Variants in KDM4C observed in about 807,000 individuals in gnomAD.
KDM4C encodes the protein lysine demethylase 4C.
In KDM4C, 81 loss-of-function variants were observed where a neutral mutation model predicts 129.3. The observed-to-expected ratio is 0.63, with a 90% CI of 0.52 to 0.75. KDM4C has a LOEUF of 0.75. Among genes scored for constraint, KDM4C ranks in the 30% least tolerant of loss-of-function variants. The probability of loss-of-function intolerance (pLI) is 0.00; values close to 1 mark genes in which losing one functional copy is unlikely to be tolerated. For missense variants in KDM4C, 1,457 were observed against 1,304.0 expected (o/e 1.12, Z -1.81); for synonymous variants, 573 against 456.1 (o/e 1.26, Z -3.26).
chr9:7,150,734 A>T (rs370163612), intron 19 of KDM4C, among the ~76,000 whole-genome samples: 2 of 152,108 alleles, frequency 1.3e-5, no homozygotes, highest in Non-Finnish European at 1.5e-5. Flanking sequence ...CCCTGTTTCT[A>T]GTTATTGGCG....
At chr9:6,774,155 T>G (rs982089618) in intron 1 of KDM4C, among the ~76,000 whole-genome samples, 1 of 152,038 alleles carries the variant, frequency 6.6e-6, no homozygotes, top group African/African-American at 2.4e-5. Flanking sequence ...CCCAAAGTGC[T>G]GGGATTACAG....
At chr9:6,866,364 A>C (rs1192705737) in intron 5 of KDM4C, among the ~76,000 whole-genome samples, 1 of 152,036 alleles carries the variant, frequency 6.6e-6, no homozygotes, top group African/African-American at 2.4e-5. Flanking sequence ...CCTTAGCTCT[A>C]GTAAAGGATC....
chr9:7,001,464 A>G (rs1820704639), intron 12 of KDM4C, among the ~76,000 whole-genome samples: 1 of 152,232 alleles, frequency 6.6e-6, no homozygotes, highest in Non-Finnish European at 1.5e-5. Context: ...TGAATCTTTC[A>G]TGAGGTAGAG....
intron 1 of KDM4C, among the ~76,000 whole-genome samples, chr9:6,759,600 A>C (rs1382248592): frequency 6.6e-6 from 1 of 152,178 alleles, no homozygotes; most frequent in African/African-American, 2.4e-5. Flanking sequence ...AATACAGTAC[A>C]ATTTAAACCG....
intron 1 of KDM4C, among the ~76,000 whole-genome samples, chr9:6,746,763 C>T (rs982124627): frequency 2.0e-5 from 3 of 149,744 alleles, no homozygotes; most frequent in African/African-American, 4.9e-5. Context: ...AATCCCAGCA[C>T]TTTGGGAGGC....
chr9:7,055,608 A>G (rs1446802262), intron 17 of KDM4C, among the ~76,000 whole-genome samples: 1 of 152,246 alleles, frequency 6.6e-6, no homozygotes, highest in Non-Finnish European at 1.5e-5. Context: ...TTTGAAAGGT[A>G]TATCAATTCT....
At chr9:6,773,198 C>A (rs1260272509) in intron 1 of KDM4C, among the ~76,000 whole-genome samples, 1 of 151,790 alleles carries the variant, frequency 6.6e-6, no homozygotes, top group East Asian at 1.9e-4. Context: ...GACAGGGTCT[C>A]CCTATATTGC....
chr9:6,960,811 C>G (rs973270699), intron 8 of KDM4C, among the ~76,000 whole-genome samples: 7 of 151,912 alleles, frequency 4.6e-5, no homozygotes, highest in African/African-American at 1.7e-4. Flanking sequence ...TAGCAGCATC[C>G]TGGCCTTTAG....
intron 12 of KDM4C, among the ~76,000 whole-genome samples, chr9:7,004,350 A>G (rs1250612860): frequency 6.6e-6 from 1 of 152,240 alleles, no homozygotes; most frequent in Admixed American, 6.5e-5. Context: ...AGTTTTTAAA[A>G]AACTTTTAAG....
chr9:6,956,634 G>C (rs534070020), intron 8 of KDM4C, among the ~76,000 whole-genome samples: 3 of 152,278 alleles, frequency 2.0e-5, no homozygotes, highest in Non-Finnish European at 4.4e-5. Context: ...TACAATGGCT[G>C]ACTTGAGTGG....
At chr9:7,136,748 A>G (rs900786308) in intron 19 of KDM4C, among the ~76,000 whole-genome samples, 1 of 152,156 alleles carries the variant, frequency 6.6e-6, no homozygotes, top group Non-Finnish European at 1.5e-5. Flanking sequence ...TTGATTTACA[A>G]ACACTTTCTC....
chr9:6,773,573 C>G (rs1822350080), intron 1 of KDM4C, among the ~76,000 whole-genome samples: 1 of 152,022 alleles, frequency 6.6e-6, no homozygotes, highest in African/African-American at 2.4e-5. Context: ...GAGTTCGAGA[C>G]CAGCCTGATC....
rs142862466 is a variant in KDM4C at position 6,741,059 on chromosome 9, A to G, written c.49+20062A>G. ...AGGCTGGTCTCAAACTCCTGACCTC[A>G]TGATCCGTCTACCTTAATTTTTGTT... On this transcript the variant is annotated intron_variant, in intron 1 of 17. Transcript: ENST00000536108. Among the ~76,000 whole-genome samples the G allele has an allele frequency of 9.5e-3, 1,446 of 152,040 alleles. 22 individuals carry two copies. Among genetic ancestry groups the G allele is most frequent in the African/African-American group, 0.033 (1,376 of 41,480 alleles).
chr9:7,041,641 G>T (rs1294797598), intron 15 of KDM4C, among the ~76,000 whole-genome samples: 1 of 151,886 alleles, frequency 6.6e-6, no homozygotes, highest in African/African-American at 2.4e-5. Context: ...TCCAGAAAGG[G>T]TGTGCTGCTT....
chr9:6,799,132 G>A (rs529045952), intron 2 of KDM4C, among the ~76,000 whole-genome samples: 1 of 152,168 alleles, frequency 6.6e-6, no homozygotes, highest in South Asian at 2.1e-4. Context: ...GGGCGGCCAG[G>A]CAGAGACACT....
intron 19 of KDM4C, among the ~76,000 whole-genome samples, chr9:7,141,594 A>G (rs57247017): frequency 0.28 from 43,130 of 152,074 alleles, 6,413 homozygotes; most frequent in Non-Finnish European, 0.34. Context: ...TGGCTTGCTC[A>G]GCCAAGTGGA....
intron 6 of KDM4C, among the ~76,000 whole-genome samples, chr9:6,883,403 T>C (rs1844775916): frequency 6.6e-6 from 1 of 152,178 alleles, no homozygotes; most frequent in Non-Finnish European, 1.5e-5. Flanking sequence ...TGGAGATCAA[T>C]GTGTGGTGCG....
Position 7,011,685 on chromosome 9 carries a change from C to A in KDM4C, c.1787-13C>A. On this transcript the variant is annotated splice_polypyrimidine_tract_variant and intron_variant, in intron 12 of 21. Transcript: ENST00000381309. Reference sequence around the variant, plus strand: ...TCCCATGCTCATGGTATTTTCCTGCCTTCTCCCTTAAGAATTGCCTGAGGT... The same window carrying A: ...TCCCATGCTCATGGTATTTTCCTGCATTCTCCCTTAAGAATTGCCTGAGGT... The A allele has an allele frequency of 6.2e-7, 1 of 1,613,108 alleles. No individual in the cohort carries two copies. The highest frequency in any genetic ancestry group is 1.1e-5 in the South Asian group (1 of 91,040).
At chr9:6,764,470 G>A (rs992102219) in intron 1 of KDM4C, among the ~76,000 whole-genome samples, 7 of 152,132 alleles carry the variant, frequency 4.6e-5, no homozygotes, top group East Asian at 3.8e-4. Flanking sequence ...GCATAGTAGT[G>A]GATACATTTC....
Sources: gnomAD v4.1 joint callset for allele counts (sites outside exome capture counted in the v4.1 genomes callset) on GRCh38, gnomAD v4.1.1 for gene constraint, MANE v1.5 for transcripts, NCBI Gene and HGNC (gene_info 2026-07-23, HGNC 2026-07-21) for gene names.